RSRC1: variants seen among roughly 807,000 people sequenced by gnomAD.
The protein encoded by RSRC1 is serine/Arginine-related protein 53.
In RSRC1, 39 loss-of-function variants were observed where a neutral mutation model predicts 49.1. The ratio of observed to expected loss-of-function variants is 0.79; its 90% CI spans 0.61 to 1.04. RSRC1 has a LOEUF of 1.04. Among genes scored for constraint, RSRC1 ranks in the 50% least tolerant of loss-of-function variants. The pLI is 0.00. For missense variants in RSRC1, 388 were observed against 402.4 expected, an observed-to-expected ratio of 0.96 and a Z score of 0.31; for synonymous variants, 143 against 130.8, an observed-to-expected ratio of 1.09 and a Z score of -0.63.
chr3:158,118,607 A>C (rs1715036658), intron 1 of RSRC1, among the ~76,000 whole-genome samples: 2 of 151,326 alleles, frequency 1.3e-5, no homozygotes, highest in Non-Finnish European at 2.9e-5. Context: ...TTGTTCTTGA[A>C]GTTTTCTTCT....
chr3:158,299,018 A>G (rs1005227310), intron 5 of RSRC1, among the ~76,000 whole-genome samples: 1 of 152,160 alleles, frequency 6.6e-6, no homozygotes, highest in Non-Finnish European at 1.5e-5. Context: ...AACTGAGGAA[A>G]CCTAGACTTT....
intron 3 of RSRC1, among the ~76,000 whole-genome samples, chr3:158,129,285 T>A (rs80040617): frequency 0.035 from 4,641 of 133,728 alleles, 233 homozygotes; most frequent in African/African-American, 0.13. Context: ...CATTTCTTTC[T>A]TTCTTTTTTT....
At chr3:158,301,603 T>C (rs1018909055) in intron 5 of RSRC1, among the ~76,000 whole-genome samples, 3 of 152,192 alleles carry the variant, frequency 2.0e-5, no homozygotes, top group African/African-American at 7.2e-5. Context: ...TGTTCAGTCA[T>C]GTAATACACA....
chr3:158,423,376 C>T (rs902410625), intron 6 of RSRC1, among the ~76,000 whole-genome samples: 2 of 151,894 alleles, frequency 1.3e-5, no homozygotes, highest in African/African-American at 2.4e-5. Flanking sequence ...TGTCAAAGAT[C>T]AGATAGTTGT....
chr3:158,296,903 A>G (rs1727270630), intron 4 of RSRC1, among the ~76,000 whole-genome samples: 1 of 152,066 alleles, frequency 6.6e-6, no homozygotes, highest in Non-Finnish European at 1.5e-5. Flanking sequence ...CCATGAGTAC[A>G]GTTTTCCAGC....
intron 4 of RSRC1, among the ~76,000 whole-genome samples, chr3:158,234,736 G>C (rs988433390): frequency 6.6e-6 from 1 of 151,748 alleles, no homozygotes; most frequent in Non-Finnish European, 1.5e-5. Context: ...TATATTCTTC[G>C]AACTGAAATA....
chr3:158,537,890 A>G (rs1175271187), intron 8 of RSRC1, among the ~76,000 whole-genome samples: 2 of 151,692 alleles, frequency 1.3e-5, no homozygotes, highest in African/African-American at 4.8e-5. Context: ...CCTGATGGTT[A>G]TTTTTCCTCT....
chr3:158,200,993 T>A (rs1384666643), intron 3 of RSRC1, among the ~76,000 whole-genome samples: 1 of 152,172 alleles, frequency 6.6e-6, no homozygotes, highest in Admixed American at 6.5e-5. Context: ...TTGTCATTCC[T>A]TTTCAGCCTG....
intron 5 of RSRC1, among the ~76,000 whole-genome samples, chr3:158,350,276 C>G (rs1730800466): frequency 6.6e-6 from 1 of 151,126 alleles, no homozygotes; most frequent in Non-Finnish European, 1.5e-5. Context: ...CTCCCAGGCT[C>G]AAGCTATCTT....
chr3:158,535,689 G>A (rs541864983), intron 7 of RSRC1, among the ~76,000 whole-genome samples: 1 of 151,376 alleles, frequency 6.6e-6, no homozygotes, highest in East Asian at 1.9e-4. Context: ...AAAGGATATA[G>A]GAATCAACTT....
chr3:158,508,022 A>G (rs1046862715), intron 7 of RSRC1, among the ~76,000 whole-genome samples: 1 of 152,178 alleles, frequency 6.6e-6, no homozygotes, highest in South Asian at 2.1e-4. Flanking sequence ...GCAGTGAGCT[A>G]TGATCATGCC....
At chr3:158,428,383 A>AATG (rs1352337518) in intron 6 of RSRC1, among the ~76,000 whole-genome samples, 1 of 151,828 alleles carries the variant, frequency 6.6e-6, no homozygotes, top group African/African-American at 2.4e-5. Context: ...TAGGAAACAG[A>AATG]ATGCTGGTGA....
intron 4 of RSRC1, among the ~76,000 whole-genome samples, chr3:158,285,070 A>G (rs922694417): frequency 3.3e-5 from 5 of 152,298 alleles, no homozygotes; most frequent in Non-Finnish European, 5.9e-5. Flanking sequence ...TAATTTTCGT[A>G]TAAGGTGTAA....
chr3:158,335,522 G>T (rs912100317), intron 5 of RSRC1, among the ~76,000 whole-genome samples: 1 of 152,170 alleles, frequency 6.6e-6, no homozygotes, highest in Non-Finnish European at 1.5e-5. Context: ...AGCAGCGGAG[G>T]GTCATTGAGG....
chr3:158,307,192 G>A (rs1461506063), intron 5 of RSRC1, among the ~76,000 whole-genome samples: 1 of 151,288 alleles, frequency 6.6e-6, no homozygotes, highest in Non-Finnish European at 1.5e-5. Context: ...AATTACTTTT[G>A]TTTACTGCTT....
At chr3:158,199,436 A>G (rs1195987702) in intron 3 of RSRC1, among the ~76,000 whole-genome samples, 7 of 151,962 alleles carry the variant, frequency 4.6e-5, no homozygotes, top group Admixed American at 4.6e-4. Flanking sequence ...TCATTTGATG[A>G]GTTTCGCTGA....
chr3:158,320,688 A>G (rs537508699), intron 5 of RSRC1, among the ~76,000 whole-genome samples: 4 of 152,138 alleles, frequency 2.6e-5, no homozygotes, highest in Non-Finnish European at 5.9e-5. Context: ...CAACAATTAC[A>G]TTGCTTAGTA....
At chr3:158,125,301 T>C (rs1010292436) in intron 3 of RSRC1, among the ~76,000 whole-genome samples, 1 of 152,064 alleles carries the variant, frequency 6.6e-6, no homozygotes, top group African/African-American at 2.4e-5. Context: ...ATTTAGTTCC[T>C]TGAAGTATTA....
intron 3 of RSRC1, among the ~76,000 whole-genome samples, chr3:158,163,761 T>G (rs112401371): frequency 8.7e-5 from 7 of 80,244 alleles, no homozygotes; most frequent in Admixed American, 2.5e-4. Context: ...TTATAGCAAT[T>G]TTTTTTTTTT....
Sources: gnomAD v4.1 joint callset for allele counts (sites outside exome capture counted in the v4.1 genomes callset) on GRCh38, gnomAD v4.1.1 for gene constraint, MANE v1.5 for transcripts, NCBI Gene and HGNC (gene_info 2026-07-23, HGNC 2026-07-21) for gene names.